MAP4K4: variants seen among roughly 807,000 people sequenced by gnomAD.
MAP4K4 encodes HPK/GCK-like kinase HGK.
In MAP4K4, 38 loss-of-function variants were observed where a neutral mutation model predicts 189.6. The observed-to-expected ratio is 0.20, with a 90% CI of 0.15 to 0.26. MAP4K4 has a LOEUF of 0.26. Among genes scored for constraint, MAP4K4 ranks in the 10% least tolerant of loss-of-function variants. The probability of loss-of-function intolerance (pLI) is 1.00; values close to 1 mark genes in which losing one functional copy is unlikely to be tolerated. For missense variants in MAP4K4, 1,054 were observed against 1,726.9 expected (o/e 0.61, Z 6.91); for synonymous variants, 610 against 624.3 (o/e 0.98, Z 0.34).
intron 27 of MAP4K4, among the ~76,000 whole-genome samples, chr2:101,881,720 A>G (rs1371617154): frequency 6.6e-6 from 1 of 152,080 alleles, no homozygotes; most frequent in Non-Finnish European, 1.5e-5. Context: ...TATTTCCCTG[A>G]AAGTTTTTAT....
chr2:101,746,037 C>T (rs1011323738), intron 2 of MAP4K4, among the ~76,000 whole-genome samples: 3 of 151,592 alleles, frequency 2.0e-5, no homozygotes, highest in African/African-American at 7.3e-5. Context: ...GTCACACAAG[C>T]TGGAATACAG....
At chr2:101,761,569 T>C (rs1173906178) in intron 2 of MAP4K4, among the ~76,000 whole-genome samples, 1 of 149,334 alleles carries the variant, frequency 6.7e-6, no homozygotes, top group African/African-American at 2.5e-5. Context: ...TTTTTTTTTC[T>C]TTTGAGACGA....
intron 24 of MAP4K4, 99 bp downstream of exon 24, chr2:101,871,784 C>T: frequency 9.5e-7 from 1 of 1,053,238 alleles, no homozygotes; most frequent in Non-Finnish European, 1.3e-6. Context: ...CTCACCCCTT[C>T]CCTTCCCACC....
At chr2:101,882,525 T>TA in intron 27 of MAP4K4, 26 bp from the exon 28 acceptor site, 1 of 1,540,514 alleles carries the variant, frequency 6.5e-7, no homozygotes, top group Non-Finnish European at 8.7e-7. Context: ...GATATGCATG[T>TA]AAAATATTTA....
Position 101,844,329 on chromosome 2 carries a change from T to A in MAP4K4, c.1233+18T>A. The stretch of plus-strand genomic sequence containing the variant: ...TAGAAGAGGTAGCAAAAGGAAAATG[T>A]CCAAGTTGGTTGGTCTTTTCTCTTT... On this transcript the variant is annotated intron_variant, in intron 12 of 32. Coordinates refer to ENST00000324219, the Ensembl canonical transcript of MAP4K4. 6.5e-7 allele frequency: 1 copy of A among 1,550,004 alleles called. No homozygotes were observed. The highest frequency in any genetic ancestry group is 8.7e-7 in the Non-Finnish European group (1 of 1,145,850).
intron 2 of MAP4K4, among the ~76,000 whole-genome samples, chr2:101,763,896 T>C (rs2077483130): frequency 6.6e-6 from 1 of 152,158 alleles, no homozygotes; most frequent in Non-Finnish European, 1.5e-5. Context: ...CAGTGTTTCA[T>C]CACAAGGCTG....
At chr2:101,758,905 A>G (rs980539301) in intron 2 of MAP4K4, among the ~76,000 whole-genome samples, 5 of 152,074 alleles carry the variant, frequency 3.3e-5, no homozygotes, top group African/African-American at 1.2e-4. Context: ...AGGCTGAGGC[A>G]GGCGGATCAC....
At chr2:101,791,796 C>T (rs1373067037) in intron 3 of MAP4K4, among the ~76,000 whole-genome samples, 2 of 152,166 alleles carry the variant, frequency 1.3e-5, no homozygotes, top group Non-Finnish European at 1.5e-5. Flanking sequence ...ACACTGTTGT[C>T]TCTGGACCAC....
rs1452951967 is a variant in MAP4K4, at chr2:101,868,047, ATC to A, written c.2463+14_2463+15del. ...ACTGAAGGGCGAAGTGGTAAGCGCC[ATC>A]TCTGAAAAGTTCCACTTCAGAGCAG... On this transcript the variant is annotated intron_variant, in intron 21 of 32. Coordinates refer to ENST00000324219, the Ensembl canonical transcript of MAP4K4. The A allele has an allele frequency of 1.2e-6, 2 of 1,611,794 alleles. No homozygotes were observed. The highest frequency in any genetic ancestry group is 1.7e-6 in the Non-Finnish European group (2 of 1,179,072).
At chr2:101,847,405 A>G (rs2097143607) in intron 12 of MAP4K4, among the ~76,000 whole-genome samples, 1 of 152,206 alleles carries the variant, frequency 6.6e-6, no homozygotes, top group Non-Finnish European at 1.5e-5. Flanking sequence ...AGGCATTGTG[A>G]TCATAGGAGA....
chr2:101,820,090 T>C (rs935041987), intron 3 of MAP4K4, among the ~76,000 whole-genome samples: 4 of 152,208 alleles, frequency 2.6e-5, no homozygotes, highest in African/African-American at 9.7e-5. Flanking sequence ...TCTTGTACAG[T>C]GGTGAACAGG....
intron 2 of MAP4K4, among the ~76,000 whole-genome samples, chr2:101,725,168 T>C (rs1480262260): frequency 6.6e-6 from 1 of 152,190 alleles, no homozygotes. Context: ...AAGTATTTGC[T>C]TCTTACAAAT....
chr2:101,869,939 T>C, intron 22 of MAP4K4, 142 bp downstream of exon 22: 2 of 1,130,686 alleles, frequency 1.8e-6, no homozygotes, highest in Admixed American at 3.2e-5. Context: ...GCAGGTCGCC[T>C]TGTGTTTCCC....
intron 2 of MAP4K4, among the ~76,000 whole-genome samples, chr2:101,706,150 A>T (rs944168215): frequency 2.0e-5 from 3 of 152,198 alleles, no homozygotes; most frequent in Non-Finnish European, 1.5e-5. Flanking sequence ...CTCCAGAAGC[A>T]TGTTTTCAGT....
intron 3 of MAP4K4, among the ~76,000 whole-genome samples, chr2:101,794,310 A>G (rs764108134): frequency 1.3e-5 from 2 of 152,226 alleles, no homozygotes; most frequent in African/African-American, 4.8e-5. Flanking sequence ...ATTATAACTT[A>G]AGTACATGCA....
intron 3 of MAP4K4, among the ~76,000 whole-genome samples, chr2:101,792,381 C>G (rs1008974406): frequency 5.9e-5 from 9 of 152,168 alleles, no homozygotes; most frequent in African/African-American, 2.2e-4. Flanking sequence ...GCTGCCTCCC[C>G]TGACACAGCT....
intron 3 of MAP4K4, among the ~76,000 whole-genome samples, chr2:101,814,419 C>T (rs115392177): frequency 6.2e-4 from 94 of 152,298 alleles, no homozygotes; most frequent in African/African-American, 2.3e-3. Context: ...CCATGAGGCT[C>T]TTCCAGAGAC....
intron 3 of MAP4K4, among the ~76,000 whole-genome samples, chr2:101,798,246 C>A (rs1404246301): frequency 6.6e-6 from 1 of 151,886 alleles, no homozygotes; most frequent in Non-Finnish European, 1.5e-5. Flanking sequence ...TTTAATAGTA[C>A]AGATATACTG....
intron 3 of MAP4K4, among the ~76,000 whole-genome samples, chr2:101,801,030 G>GT (rs10713279): frequency 2.6e-5 from 4 of 151,952 alleles, no homozygotes; most frequent in East Asian, 1.9e-4. Flanking sequence ...CTAAATTGCT[G>GT]TTTTTTTTAA....
Sources: allele counts gnomAD v4.1 joint callset (sites outside exome capture counted in the v4.1 genomes callset), GRCh38; gene constraint gnomAD v4.1.1; transcripts MANE v1.5; gene names NCBI Gene and HGNC (gene_info 2026-07-23, HGNC 2026-07-21).